Variants in JAML observed in about 807,000 individuals in gnomAD.
JAML encodes the protein junctional adhesion molecule-like.
A neutral mutation model predicts 39.3 loss-of-function variants in JAML; 25 were observed. The observed-to-expected ratio is 0.64, with a 90% CI of 0.46 to 0.89. The LOEUF is 0.89. Ranked by LOEUF, JAML falls within the 40% of genes least tolerant of loss-of-function variation. The pLI is 0.00. For missense variants in JAML, 440 were observed against 486.9 expected (o/e 0.90, Z 0.91); for synonymous variants, 162 against 179.2 (o/e 0.90, Z 0.77).
intron 2 of JAML, among the ~76,000 whole-genome samples, chr11:118,214,405 A>C (rs149553702): frequency 2.0e-5 from 3 of 152,324 alleles, no homozygotes; most frequent in African/African-American, 2.4e-5. Flanking sequence ...GAAAGAGCTC[A>C]GTCCATTTGA....
Position 118,194,254 on chromosome 11 carries a change from G to A in JAML, c.*71C>T, listed in dbSNP as rs1948605756. ...GGAGAGCGGGAGTCTGAAATCACTG[G>A]TAGAGTGGCCCAGGACACACACAGG... On this transcript the variant is annotated 3_prime_UTR_variant, in exon 10 of 10. Transcript: ENST00000356289. 7.4e-7 allele frequency: 1 copy of A among 1,343,038 alleles called. No individual in the cohort carries two copies. Among genetic ancestry groups the A allele is most frequent in the South Asian group, 1.2e-5 (1 of 84,892 alleles). The allele number at this position is 1,343,038 out of a possible 1,614,324, so 83.2% of individuals were successfully genotyped here.
intron 2 of JAML, among the ~76,000 whole-genome samples, chr11:118,213,831 G>A (rs575141524): frequency 3.0e-4 from 46 of 152,254 alleles, no homozygotes; most frequent in Admixed American, 1.5e-3. Flanking sequence ...TCTCTGGATC[G>A]GAGGGCAAAA....
chr11:118,196,754 T>C lies in JAML; in HGVS notation c.1073A>G (p.Glu358Gly), dbSNP rs1948665840. ...IEEEEPSEKS[E>G]ATYMTMHPVW... The stretch of plus-strand genomic sequence containing the variant: ...TCTCACCATGGTCATGTAGGTGGCC[T>C]CTGATTTTTCACTTGGTTCTTCTTC... The change falls in exon 9 of 10, where the codon GAG becomes GGG. Residue 358 changes from glutamate (E) to glycine (G), a missense_variant. Physicochemically the swap from Glu to Gly is moderately conservative, Grantham distance 98 (BLOSUM62 -2). Transcript: ENST00000356289. 1 of 1,612,176 alleles carries C rather than the reference T, an allele frequency of 6.2e-7. No homozygotes were observed. Among genetic ancestry groups the C allele is most frequent in the Non-Finnish European group, 8.5e-7 (1 of 1,178,218 alleles).
intron 2 of JAML, chr11:118,212,943 T>A (rs1949091633): frequency 6.2e-7 from 1 of 1,614,238 alleles, no homozygotes; most frequent in Non-Finnish European, 8.5e-7. Flanking sequence ...TGTTCCTTGC[T>A]CTTAAATCTC....
At chr11:118,202,737 C>A (rs1170754897) in intron 6 of JAML, 1 of 363,238 alleles carries the variant, frequency 2.8e-6, no homozygotes, top group Non-Finnish European at 5.4e-6. Flanking sequence ...GTTCCATCCT[C>A]ACCCCATCTT....
chr11:118,202,942 A>G, intron 6 of JAML: 1 of 456,534 alleles, frequency 2.2e-6, no homozygotes, highest in South Asian at 1.5e-5. Flanking sequence ...GCCAGAATCC[A>G]GAACCTCTGA....
At chr11:118,199,618 A>G (rs1215895131) in intron 7 of JAML, among the ~76,000 whole-genome samples, 1 of 152,078 alleles carries the variant, frequency 6.6e-6, no homozygotes, top group African/African-American at 2.4e-5. Context: ...CTGTTGGAGC[A>G]TCTGGGCACT....
chr11:118,200,432 A>AC (rs1209807928), intron 7 of JAML, 42 bp downstream of exon 7: 1 of 1,609,928 alleles, frequency 6.2e-7, no homozygotes, highest in Non-Finnish European at 8.5e-7. Context: ...GCAGCCTTGC[A>AC]CCCCCAGCCT....
intron 4 of JAML, among the ~76,000 whole-genome samples, chr11:118,206,999 C>A (rs1274937983): frequency 6.6e-6 from 1 of 152,072 alleles, no homozygotes; most frequent in African/African-American, 2.4e-5. Context: ...CATAAGCCAC[C>A]CTTTCATCCA....
chr11:118,203,016 C>A (rs764847460), intron 6 of JAML: 1 of 459,732 alleles, frequency 2.2e-6, no homozygotes. Context: ...GGCTGTCTCT[C>A]ACTAGCTTAG....
chr11:118,199,135 C>T (rs1190116904), intron 7 of JAML, among the ~76,000 whole-genome samples: 1 of 152,202 alleles, frequency 6.6e-6, no homozygotes, highest in East Asian at 1.9e-4. Flanking sequence ...CTGACAGACA[C>T]TGGCAATTAT....
rs1473682527 is a variant in JAML at position 118,194,372 on chromosome 11, C to T, written c.1138G>A (p.Glu380Lys). Residue 380 changes from glutamate (E) to lysine (K), a missense_variant, in exon 10 of 10, where the codon GAA (glutamate) becomes AAA (lysine). Coordinates refer to ENST00000356289, the MANE Select transcript of JAML (RefSeq NM_001098526.2). ...SLRSDRNNSL[E>K]KKSGGGMPKT... ...GGCATTCCCCCACCTGACTTTTTTT[C>T]AAGTGAGTTGTTCCGATCTGACCTC... The T allele has an allele frequency of 2.5e-6, 4 of 1,613,968 alleles. No individual in the cohort carries two copies. The African/African-American group carries it at 4.0e-5, about 16-fold the overall frequency.
At position 118,222,169 on chromosome 11, in the gene JAML, A is replaced by G. The variant is rs1051517747; in HGVS notation, c.-21+2772T>C. ...AGTGGCTTATGCCTATAATCCTAGC[A>G]CTTTGAGAGGCCAAGGTGGACAGAT... On this transcript the variant is annotated intron_variant, in intron 1 of 9. Coordinates refer to ENST00000356289, the MANE Select transcript of JAML (RefSeq NM_001098526.2). The surrounding 1 kb of genome is among the most constrained non-coding windows in gnomAD (Gnocchi z 4.2). Among the ~76,000 whole-genome samples the G allele has an allele frequency of 1.3e-5, 2 of 151,936 alleles. No homozygotes were observed. Among genetic ancestry groups the G allele is most frequent in the East Asian group, 3.9e-4 (2 of 5,164 alleles).
intron 2 of JAML, 28 bp from the exon 3 acceptor site, chr11:118,212,589 A>G (rs772953852): frequency 3.1e-6 from 5 of 1,611,184 alleles, no homozygotes; most frequent in Non-Finnish European, 3.4e-6. Flanking sequence ...AAGAGGACAC[A>G]TCATTTAGAC....
At chr11:118,218,331 G>A (rs1949170423) in intron 1 of JAML, among the ~76,000 whole-genome samples, 1 of 152,190 alleles carries the variant, frequency 6.6e-6, no homozygotes, top group African/African-American at 2.4e-5. Context: ...CACCTCAGGT[G>A]ATCCACCCAC....
At chr11:118,212,806 C>T in intron 2 of JAML, 1 of 1,611,538 alleles carries the variant, frequency 6.2e-7, no homozygotes, top group African/African-American at 1.3e-5. Flanking sequence ...TCCTATCCAG[C>T]CCCTTACACT....
chr11:118,211,687 A>C (rs1186102084), intron 3 of JAML, among the ~76,000 whole-genome samples: 1 of 152,266 alleles, frequency 6.6e-6, no homozygotes, highest in African/African-American at 2.4e-5. Context: ...GTTTGCAAAC[A>C]TTAGGACTTT....
At chr11:118,202,728 T>A (rs759696947) in intron 6 of JAML, 29 of 360,924 alleles carry the variant, frequency 8.0e-5, no homozygotes, top group Non-Finnish European at 1.2e-4. Flanking sequence ...ATGAGGTATG[T>A]TCCATCCTCA....
intron 1 of JAML, among the ~76,000 whole-genome samples, chr11:118,223,094 CAAAA>C (rs56175225): frequency 1.1e-5 from 1 of 93,188 alleles, no homozygotes. Context: ...GACTCTGTCT[CAAAA>C]AAAAAAAAAA....
Sources: gnomAD v4.1 joint callset for allele counts (sites outside exome capture counted in the v4.1 genomes callset) on GRCh38, gnomAD v4.1.1 for gene constraint, Gnocchi (gnomAD v3.1) non-coding constraint, MANE v1.5 for transcripts, NCBI Gene and HGNC (gene_info 2026-07-23, HGNC 2026-07-21) for gene names.